Variants in CSMD3 observed in about 807,000 individuals in gnomAD.
CSMD3 encodes the protein CUB and Sushi multiple domains 3.
Under a neutral mutation model 435.2 loss-of-function variants are expected in CSMD3, and 177 were observed. The ratio of observed to expected loss-of-function variants is 0.41; its 90% CI spans 0.36 to 0.46. The LOEUF is 0.46. Among genes scored for constraint, CSMD3 ranks in the 20% least tolerant of loss-of-function variants. CSMD3 has a pLI of 0.34. For synonymous variants in CSMD3, 1,656 were observed against 1,520.5 expected, an observed-to-expected ratio of 1.09 and a Z score of -2.07; for missense variants, 4,265 against 4,504.6, an observed-to-expected ratio of 0.95 and a Z score of 1.52.
intron 37 of CSMD3, among the ~76,000 whole-genome samples, chr8:112,382,144 G>A (rs568700087): frequency 6.6e-6 from 1 of 151,856 alleles, no homozygotes; most frequent in South Asian, 2.1e-4. Context: ...AATTAATTGG[G>A]GTTGTGGTAT....
chr8:113,417,998 T>G (rs559682070), intron 1 of CSMD3, among the ~76,000 whole-genome samples: 7 of 152,068 alleles, frequency 4.6e-5, no homozygotes, highest in Non-Finnish European at 7.4e-5. Context: ...AAATATTAGG[T>G]CAATTAATAT....
intron 8 of CSMD3, among the ~76,000 whole-genome samples, chr8:112,952,993 GAGTTAC>G (rs769247974): frequency 6.6e-6 from 1 of 151,198 alleles, no homozygotes; most frequent in Non-Finnish European, 1.5e-5. Context: ...CAGGGATATA[GAGTTAC>G]ATACATCTTA....
chr8:113,114,447 A>G (rs2090761959), intron 4 of CSMD3, among the ~76,000 whole-genome samples: 1 of 152,172 alleles, frequency 6.6e-6, no homozygotes, highest in African/African-American at 2.4e-5. Flanking sequence ...CTTGCTATTG[A>G]GAATAGTATG....
intron 6 of CSMD3, among the ~76,000 whole-genome samples, chr8:113,007,853 G>T (rs1182581149): frequency 4.0e-5 from 6 of 151,722 alleles, no homozygotes; most frequent in Non-Finnish European, 5.9e-5. Context: ...CTAACTCAAA[G>T]AATTAATATC....
In CSMD3 at chr8:113,160,086, T is replaced by C. The variant is rs894385072; in HGVS notation, c.709+13636A>G. On this transcript the variant is annotated intron_variant, in intron 4 of 70. Coordinates refer to ENST00000297405, the MANE Select transcript of CSMD3 (RefSeq NM_198123.2). The stretch of plus-strand genomic sequence containing the variant: ...TTTGTAAATAACAATAAGTGAGAAA[T>C]ATATCTTACATTTCCTGAAAACACA... Among the ~76,000 whole-genome samples, 7 of 152,052 alleles carry C rather than the reference T, an allele frequency of 4.6e-5. No homozygotes were observed. In the East Asian group the frequency reaches 1.4e-3, roughly 29 times the overall value.
intron 1 of CSMD3, among the ~76,000 whole-genome samples, chr8:113,327,393 A>G (rs1202507225): frequency 6.6e-6 from 1 of 152,214 alleles, no homozygotes; most frequent in African/African-American, 2.4e-5. Context: ...TATTTTTTCC[A>G]GAGCTATGGG....
chr8:112,546,873 G>A (rs1043892117), intron 27 of CSMD3, among the ~76,000 whole-genome samples: 2 of 152,186 alleles, frequency 1.3e-5, no homozygotes, highest in African/African-American at 2.4e-5. Context: ...TGAGGCTGCC[G>A]ACAGTGGCTT....
At chr8:112,423,434 C>T (rs1812728071) in intron 32 of CSMD3, among the ~76,000 whole-genome samples, 1 of 152,158 alleles carries the variant, frequency 6.6e-6, no homozygotes, top group Admixed American at 6.6e-5. Flanking sequence ...AAGCACTGCA[C>T]TAATTGCTAA....
At chr8:113,217,032 G>A (rs887874983) in intron 3 of CSMD3, among the ~76,000 whole-genome samples, 11 of 151,818 alleles carry the variant, frequency 7.2e-5, no homozygotes, top group Middle Eastern at 3.4e-3. Flanking sequence ...AAATCCAGTC[G>A]TAATAAATAA....
At chr8:113,400,494 T>C (rs553807739) in intron 1 of CSMD3, among the ~76,000 whole-genome samples, 2 of 152,114 alleles carry the variant, frequency 1.3e-5, no homozygotes, top group African/African-American at 4.8e-5. Context: ...ACTTTTAATA[T>C]ATTTTGGACA....
rs1586758947 is a variant in CSMD3, at chr8:112,320,054, AAAT to A, written c.7166-76_7166-74del. 4 of 922,756 alleles carry A rather than the reference AAAT, an allele frequency of 4.3e-6. No homozygotes were observed. In the East Asian group the frequency reaches 9.7e-5, roughly 22 times the overall value. 57.2% of individuals were successfully genotyped at this position (922,756 alleles called of 1,614,324 possible). A position where few individuals can be genotyped will look rare whatever the true frequency, so the allele number is the denominator to read the frequency against. ...TATTCACATATGCAAAAAAACAAGA[AAAT>A]TATGGAAAGTTGTTTAAAAAAATAA... is the stretch of plus-strand genomic sequence containing the variant. On this transcript the variant is annotated intron_variant, in intron 45 of 70. Coordinates refer to ENST00000297405, the MANE Select transcript of CSMD3 (RefSeq NM_198123.2).
intron 3 of CSMD3, among the ~76,000 whole-genome samples, chr8:113,215,839 T>C (rs557629912): frequency 6.6e-6 from 1 of 151,392 alleles, no homozygotes; most frequent in Admixed American, 6.6e-5. Context: ...TTTTTCTTTT[T>C]AAAAAAAAAT....
chr8:113,094,006 G>A (rs2131525266), intron 5 of CSMD3, among the ~76,000 whole-genome samples: 1 of 152,046 alleles, frequency 6.6e-6, no homozygotes, highest in Admixed American at 6.6e-5. Context: ...TCATAATTAA[G>A]TCAAACATCC....
chr8:112,305,890 C>T (rs550515953), intron 51 of CSMD3, 117 bp downstream of exon 51: 1 of 862,264 alleles, frequency 1.2e-6, no homozygotes. Context: ...TTATTTCTGA[C>T]TTAGACATCA....
At chr8:112,317,898 A>G (rs916731186) in intron 47 of CSMD3, among the ~76,000 whole-genome samples, 9 of 152,106 alleles carry the variant, frequency 5.9e-5, no homozygotes, top group African/African-American at 2.2e-4. Context: ...TAAAGAAGGA[A>G]TTAATCCAAA....
At chr8:113,082,884 T>C (rs1564292638) in intron 5 of CSMD3, among the ~76,000 whole-genome samples, 1 of 152,070 alleles carries the variant, frequency 6.6e-6, no homozygotes, top group African/African-American at 2.4e-5. Flanking sequence ...ACAAGTCTTT[T>C]GAAATAACAC....
chr8:112,462,887 C>T (rs1252238990), intron 32 of CSMD3, among the ~76,000 whole-genome samples: 2 of 152,158 alleles, frequency 1.3e-5, no homozygotes, highest in African/African-American at 4.8e-5. Context: ...TACACAGAAA[C>T]TCTCACCCCA....
At chr8:112,423,723 T>C (rs1321705534) in intron 32 of CSMD3, among the ~76,000 whole-genome samples, 2 of 152,192 alleles carry the variant, frequency 1.3e-5, no homozygotes, top group Non-Finnish European at 2.9e-5. Flanking sequence ...GGTATACTAA[T>C]ATGCTGAAAG....
intron 2 of CSMD3, among the ~76,000 whole-genome samples, chr8:113,302,861 T>C (rs539786813): frequency 1.4e-5 from 2 of 145,184 alleles, no homozygotes; most frequent in African/African-American, 5.2e-5. Context: ...AAGACAGGGA[T>C]GCCCTCTCTC....
Sources: gnomAD v4.1 joint callset for allele counts (sites outside exome capture counted in the v4.1 genomes callset) on GRCh38, gnomAD v4.1.1 for gene constraint, MANE v1.5 for transcripts, NCBI Gene and HGNC (gene_info 2026-07-23, HGNC 2026-07-21) for gene names.